The following SLC9A9 variants were observed in gnomAD, a reference collection of about 807,000 sequenced individuals.
SLC9A9 encodes the protein solute carrier family 9 member A9.
A neutral mutation model predicts 77.8 loss-of-function variants in SLC9A9; 62 were observed. That is an observed-to-expected ratio of 0.80 (90% CI 0.65 to 0.98). SLC9A9 has a LOEUF of 0.98. Ranked by LOEUF, SLC9A9 falls within the 50% of genes least tolerant of loss-of-function variation. The probability of loss-of-function intolerance (pLI) is 0.00; values close to 1 mark genes in which losing one functional copy is unlikely to be tolerated. For synonymous variants in SLC9A9, 320 were observed against 283.5 expected, an observed-to-expected ratio of 1.13 and a Z score of -1.29; for missense variants, 775 against 774.9, an observed-to-expected ratio of 1.00 and a Z score of 0.00.
chr3:143,807,605 C>T (rs554010181), intron 2 of SLC9A9, among the ~76,000 whole-genome samples: 2 of 152,276 alleles, frequency 1.3e-5, no homozygotes, highest in South Asian at 4.1e-4. Context: ...ATTAGCTGGG[C>T]ATGGTGGCTC....
chr3:143,494,589 C>A (rs186706831), intron 10 of SLC9A9, among the ~76,000 whole-genome samples: 17 of 152,348 alleles, frequency 1.1e-4, no homozygotes, highest in Middle Eastern at 3.4e-3. Flanking sequence ...TATCTGTGAT[C>A]CAAGGTGGCA....
chr3:143,730,282 G>A (rs538007628), intron 4 of SLC9A9, among the ~76,000 whole-genome samples: 13 of 152,136 alleles, frequency 8.5e-5, no homozygotes, highest in African/African-American at 2.7e-4. Context: ...CTCATCTCCC[G>A]CTCTTCCTCA....
intron 4 of SLC9A9, among the ~76,000 whole-genome samples, chr3:143,745,622 T>C (rs1262649783): frequency 6.6e-6 from 1 of 152,190 alleles, no homozygotes; most frequent in Non-Finnish European, 1.5e-5. Context: ...AGGGCCGCTG[T>C]GTATTTTTTG....
intron 11 of SLC9A9, among the ~76,000 whole-genome samples, 163 bp from the exon 12 acceptor site, chr3:143,467,353 C>T (rs1227314115): frequency 6.6e-6 from 1 of 152,096 alleles, no homozygotes; most frequent in Non-Finnish European, 1.5e-5. Context: ...AACAGAAAGA[C>T]ACTGTGTACT....
chr3:143,608,890 A>G (rs1392394341), intron 6 of SLC9A9, among the ~76,000 whole-genome samples: 3 of 152,222 alleles, frequency 2.0e-5, no homozygotes, highest in African/African-American at 4.8e-5. Context: ...AGTAATATCA[A>G]TGCTGAAAAA....
intron 5 of SLC9A9, among the ~76,000 whole-genome samples, chr3:143,687,587 T>C (rs1357264945): frequency 6.6e-6 from 1 of 152,126 alleles, no homozygotes; most frequent in Non-Finnish European, 1.5e-5. Flanking sequence ...TTAGCAGGCT[T>C]CGGGTTGACT....
intron 11 of SLC9A9, among the ~76,000 whole-genome samples, chr3:143,474,200 G>A (rs2035427589): frequency 6.6e-6 from 1 of 152,230 alleles, no homozygotes; most frequent in African/African-American, 2.4e-5. Context: ...GGAGGCTGGT[G>A]TGATGGGAGC....
At chr3:143,541,032 C>T (rs2036681577) in intron 9 of SLC9A9, among the ~76,000 whole-genome samples, 1 of 152,134 alleles carries the variant, frequency 6.6e-6, no homozygotes, top group African/African-American at 2.4e-5. Flanking sequence ...ATTGGGTCTC[C>T]TGGTACTTTA....
intron 12 of SLC9A9, among the ~76,000 whole-genome samples, chr3:143,410,054 T>C (rs898445085): frequency 3.3e-5 from 5 of 152,198 alleles, no homozygotes; most frequent in Non-Finnish European, 7.3e-5. Context: ...TAAAGCCCAT[T>C]TGAAGAAATG....
chr3:143,658,130 G>A (rs2038923857), intron 5 of SLC9A9, among the ~76,000 whole-genome samples: 3 of 152,186 alleles, frequency 2.0e-5, no homozygotes, highest in Non-Finnish European at 4.4e-5. Flanking sequence ...GCCTCCCAAA[G>A]TGCTGGGATT....
intron 14 of SLC9A9, among the ~76,000 whole-genome samples, chr3:143,323,742 A>T (rs1162040730): frequency 2.0e-5 from 3 of 152,210 alleles, no homozygotes; most frequent in Non-Finnish European, 4.4e-5. Context: ...ATCGGTACAC[A>T]TTATATACAT....
chr3:143,479,221 T>C (rs1279356264), intron 11 of SLC9A9, among the ~76,000 whole-genome samples: 5 of 152,194 alleles, frequency 3.3e-5, no homozygotes, highest in Non-Finnish European at 7.3e-5. Flanking sequence ...TCACAGTAAC[T>C]GGTATTTTGA....
intron 14 of SLC9A9, among the ~76,000 whole-genome samples, chr3:143,295,084 TCCTG>T (rs952811213): frequency 1.2e-4 from 19 of 152,224 alleles, no homozygotes; most frequent in African/African-American, 4.3e-4. Context: ...GTTTTGTTTT[TCCTG>T]CCTGATGTTT....
At chr3:143,365,962 G>T (rs1264123435) in intron 13 of SLC9A9, among the ~76,000 whole-genome samples, 2 of 152,170 alleles carry the variant, frequency 1.3e-5, no homozygotes, top group Non-Finnish European at 2.9e-5. Flanking sequence ...ATAAGGATAC[G>T]TGGATTTTTA....
intron 4 of SLC9A9, among the ~76,000 whole-genome samples, chr3:143,769,715 C>T (rs1560071532): frequency 6.6e-6 from 1 of 152,084 alleles, no homozygotes; most frequent in Non-Finnish European, 1.5e-5. Flanking sequence ...CATTAATATC[C>T]CAGGAAAAGG....
chr3:143,827,235 A>G (rs2009322612), intron 2 of SLC9A9, among the ~76,000 whole-genome samples: 1 of 152,214 alleles, frequency 6.6e-6, no homozygotes, highest in Non-Finnish European at 1.5e-5. Flanking sequence ...AAGGGTTACA[A>G]CCAGTTGCAG....
At chr3:143,788,813 G>C (rs2008134346) in intron 4 of SLC9A9, among the ~76,000 whole-genome samples, 1 of 150,502 alleles carries the variant, frequency 6.6e-6, no homozygotes, top group Non-Finnish European at 1.5e-5. Flanking sequence ...AATGAGTATA[G>C]ATTGTTATGA....
chr3:143,474,592 G>A (rs184864503), intron 11 of SLC9A9, among the ~76,000 whole-genome samples: 1 of 151,962 alleles, frequency 6.6e-6, no homozygotes, highest in Non-Finnish European at 1.5e-5. Flanking sequence ...AAGCCCAGGG[G>A]AAGAGCATGT....
chr3:143,744,793 A>G (rs906636350), intron 4 of SLC9A9, among the ~76,000 whole-genome samples: 1 of 152,196 alleles, frequency 6.6e-6, no homozygotes, highest in African/African-American at 2.4e-5. Context: ...GAATCAGAGG[A>G]AAGAGGTATG....
Sources: allele counts gnomAD v4.1 joint callset (sites outside exome capture counted in the v4.1 genomes callset), GRCh38; gene constraint gnomAD v4.1.1; transcripts MANE v1.5; gene names NCBI Gene and HGNC (gene_info 2026-07-23, HGNC 2026-07-21).